Variants in SNRNP70 observed in about 807,000 individuals in gnomAD.
SNRNP70 encodes U1 small nuclear ribonucleoprotein 70 kDa.
SNRNP70 carries 8 observed loss-of-function variants against 50.5 expected under a neutral mutation model. That is an observed-to-expected ratio of 0.16 (90% CI 0.09 to 0.29). The LOEUF is 0.29. Ranked by LOEUF, SNRNP70 falls within the 10% of genes least tolerant of loss-of-function variation. SNRNP70 has a pLI of 1.00. For missense variants in SNRNP70, 529 were observed against 663.5 expected (o/e 0.80, Z 2.23); for synonymous variants, 320 against 252.9 (o/e 1.27, Z -2.52).
intron 8 of SNRNP70, among the ~76,000 whole-genome samples, chr19:49,106,535 G>T (rs1385625910): frequency 6.6e-6 from 1 of 152,154 alleles, no homozygotes; most frequent in Non-Finnish European, 1.5e-5. Flanking sequence ...CATGGCAGGT[G>T]CCTGGTCCGC....
chr19:49,094,832 T>TTAAGA (rs2040492717), intron 4 of SNRNP70, among the ~76,000 whole-genome samples: 1 of 152,198 alleles, frequency 6.6e-6, no homozygotes, highest in Admixed American at 6.5e-5. Context: ...ACTCCCATTT[T>TTAAGA]TAAGATAAAG....
rs201737373 is a variant in SNRNP70, at chr19:49,107,584, C to A, written c.578-41C>A. 822 of 1,592,770 alleles carry A rather than the reference C, an allele frequency of 5.2e-4. 1 individual carries two copies. Among genetic ancestry groups the A allele is most frequent in the Non-Finnish European group, 6.3e-4 (735 of 1,160,788 alleles). ...TCATTTCTGCTCCTCCGGGCCCTGT[C>A]CCTGCCCAGATTCACCCTCTGTCCG... On this transcript the variant is annotated intron_variant, in intron 8 of 9. Transcript: ENST00000598441. This position sits in a 1 kb window ranked among gnomAD's most constrained non-coding sequence, Gnocchi z 6.0.
chr19:49,091,276 G>A (rs1347618895), intron 4 of SNRNP70, among the ~76,000 whole-genome samples: 5 of 151,796 alleles, frequency 3.3e-5, no homozygotes. Flanking sequence ...GACTGAGGCA[G>A]GAGAATCTCC....
chr19:49,107,968 G>A lies in SNRNP70; in HGVS notation c.839G>A (p.Arg280Gln), dbSNP rs922974531. The change falls in exon 10 of 10, where the codon CGG becomes CAG. Residue 280 changes from arginine to glutamine, a missense_variant. Physicochemically the swap from Arg to Gln is conservative, Grantham distance 43 (BLOSUM62 1). This residue lies in a region of SNRNP70 where 327 missense variants were observed against 308.8 expected (regional missense o/e 1.06). Coordinates refer to ENST00000598441, the MANE Select transcript of SNRNP70 (RefSeq NM_003089.6). This position sits in a 1 kb window ranked among gnomAD's most constrained non-coding sequence, Gnocchi z 6.0. ...DKEERRRSRE[R>Q]SKDKDRDRKR... is the part of the protein sequence containing the mutation. ...GAGGAGCGGAGGCGCTCCAGGGAGC[G>A]GAGCAAGGACAAGGACCGGGACCGG... 2.6e-6 allele frequency: 4 copies of A among 1,547,794 alleles called. No individual in the cohort carries two copies. The highest frequency in any genetic ancestry group is 1.8e-4 in the Middle Eastern group (1 of 5,678).
At chr19:49,095,590 A>G (rs957909214) in intron 4 of SNRNP70, among the ~76,000 whole-genome samples, 2 of 144,702 alleles carry the variant, frequency 1.4e-5, no homozygotes, top group African/African-American at 5.2e-5. Context: ...GATAGACTGT[A>G]GTGGCACGAT....
intron 2 of SNRNP70, chr19:49,087,484 ATGT>A (rs2040396867): frequency 6.6e-6 from 1 of 152,200 alleles, no homozygotes; most frequent in African/African-American, 2.4e-5. Context: ...TAATAAGATG[ATGT>A]TCATAAAGGC....
chr19:49,108,323 C>G lies in SNRNP70; in HGVS notation c.1194C>G (p.Gly398=), dbSNP rs779603180. 1 of 1,597,632 alleles carries G rather than the reference C, an allele frequency of 6.3e-7. No individual in the cohort carries two copies. Among genetic ancestry groups the G allele is most frequent in the Admixed American group, 1.7e-5 (1 of 57,908 alleles). ...ATGAGGCCCGAGGTGGGGGCGGTGG[C>G]CAGGACAACGGGCTGGAGGGTCTGG... ...GRDEARGGGG[G]QDNGLEGLGN... is the part of the protein sequence containing the mutation. Residue 398 remains glycine, a synonymous_variant, in exon 10 of 10, where the codon GGC becomes GGG. Transcript: ENST00000598441.
chr19:49,099,309 G>T (rs1042797041), intron 6 of SNRNP70, among the ~76,000 whole-genome samples: 6 of 152,066 alleles, frequency 3.9e-5, no homozygotes, highest in African/African-American at 1.2e-4. Flanking sequence ...TGTCAGGCCG[G>T]GTGCAATGGC....
At chr19:49,095,991 A>T (rs2040508042) in intron 4 of SNRNP70, among the ~76,000 whole-genome samples, 1 of 151,842 alleles carries the variant, frequency 6.6e-6, no homozygotes, top group Non-Finnish European at 1.5e-5. Flanking sequence ...AAAAAAAAAA[A>T]AAAGCCAGTG....
chr19:49,089,195 T>A (rs1047766895), intron 2 of SNRNP70, among the ~76,000 whole-genome samples: 3 of 152,166 alleles, frequency 2.0e-5, no homozygotes, highest in Non-Finnish European at 2.9e-5. Flanking sequence ...AGTCAGGAGT[T>A]CAAGACCAGC....
intron 4 of SNRNP70, among the ~76,000 whole-genome samples, chr19:49,091,507 G>C (rs2040447126): frequency 6.6e-6 from 1 of 152,172 alleles, no homozygotes; most frequent in African/African-American, 2.4e-5. Context: ...CCTCGGAGCA[G>C]TGGGACGCAC....
At chr19:49,096,419 C>T (rs1008771461) in intron 4 of SNRNP70, among the ~76,000 whole-genome samples, 22 of 152,206 alleles carry the variant, frequency 1.4e-4, no homozygotes, top group African/African-American at 5.3e-4. Context: ...CAGACGTTTC[C>T]ATTTGTCCCA....
intron 5 of SNRNP70, 42 bp from the exon 6 acceptor site, chr19:49,098,600 A>G (rs1266410286): frequency 6.2e-7 from 1 of 1,601,868 alleles, no homozygotes; most frequent in Non-Finnish European, 8.6e-7. Flanking sequence ...GCTGTGGGAC[A>G]GCTCTGTTCT....
rs1408772980 is a variant in SNRNP70 at position 49,087,261 on chromosome 19, A to G, written c.147+700A>G. Reference sequence around the variant, plus strand: ...AAAATTCAGTGAGTAGTGGTTGAGGATTCATGCCTAACCCACACCATTTAT... The same window carrying G: ...AAAATTCAGTGAGTAGTGGTTGAGGGTTCATGCCTAACCCACACCATTTAT... On this transcript the variant is annotated intron_variant, in intron 2 of 9. Coordinates refer to ENST00000598441, the MANE Select transcript of SNRNP70 (RefSeq NM_003089.6). 2.6e-5 allele frequency among the ~76,000 whole-genome samples: 4 copies of G among 151,258 alleles called. No homozygotes were observed. The East Asian group carries it at 7.8e-4, about 29-fold the overall frequency.
intron 1 of SNRNP70, 65 bp from the exon 2 acceptor site, chr19:49,086,340 G>A (rs1254958222): frequency 1.9e-5 from 28 of 1,495,894 alleles, no homozygotes; most frequent in Non-Finnish European, 2.4e-5. Flanking sequence ...GAGAGTCAAG[G>A]AGTAACAGGG....
intron 6 of SNRNP70, among the ~76,000 whole-genome samples, chr19:49,099,300 G>T (rs2040551424): frequency 6.6e-6 from 1 of 152,084 alleles, no homozygotes; most frequent in Admixed American, 6.5e-5. Context: ...ATTTATACAT[G>T]TCAGGCCGGG....
At chr19:49,097,841 G>C (rs761202427) in intron 4 of SNRNP70, among the ~76,000 whole-genome samples, 1 of 152,094 alleles carries the variant, frequency 6.6e-6, no homozygotes, top group African/African-American at 2.4e-5. Context: ...CTGATCTGAC[G>C]CTAGTCAGTT....
chr19:49,099,878 A>G (rs908420240), intron 6 of SNRNP70, among the ~76,000 whole-genome samples: 4 of 152,150 alleles, frequency 2.6e-5, no homozygotes, highest in African/African-American at 9.7e-5. Context: ...CCGTCTCTAC[A>G]AAAATACAAA....
At chr19:49,105,676 A>G (rs2040657126) in intron 8 of SNRNP70, among the ~76,000 whole-genome samples, 1 of 152,078 alleles carries the variant, frequency 6.6e-6, no homozygotes, top group Non-Finnish European at 1.5e-5. Context: ...CAGTGAGCCA[A>G]GATAGAGTCA....
Sources: allele counts gnomAD v4.1 joint callset (sites outside exome capture counted in the v4.1 genomes callset), GRCh38; gene constraint gnomAD v4.1.1; regional missense constraint gnomAD v4.1.1; non-coding constraint Gnocchi (gnomAD v3.1); transcripts MANE v1.5; gene names NCBI Gene and HGNC (gene_info 2026-07-23, HGNC 2026-07-21).